Variants in PLN observed in about 807,000 individuals in gnomAD.
The protein encoded by PLN is cardiac phospholamban.
A neutral mutation model predicts 3.9 loss-of-function variants in PLN; 1 was observed. The observed-to-expected ratio is 0.26, with a 90% CI of 0.09 to 1.23. The LOEUF is 1.23. Among genes scored for constraint, PLN ranks in the 50% most tolerant of loss-of-function variants. The probability of loss-of-function intolerance (pLI) is 0.48; values close to 1 mark genes in which losing one functional copy is unlikely to be tolerated. For missense variants in PLN, 59 were observed against 62.7 expected, an observed-to-expected ratio of 0.94 and a Z score of 0.20; for synonymous variants, 21 against 20.5, an observed-to-expected ratio of 1.02 and a Z score of -0.07.
At chr6:118,554,150 T>C (rs566762751) in intron 1 of PLN, among the ~76,000 whole-genome samples, 10 of 151,982 alleles carry the variant, frequency 6.6e-5, no homozygotes, top group Admixed American at 2.0e-4. Context: ...TAGCCAGGCA[T>C]GGTGGCGCAC....
In PLN at chr6:118,558,956, T is replaced by C. The variant is rs771044756; in HGVS notation, c.35T>C (p.Ile12Thr). 4 of 1,613,586 alleles carry C rather than the reference T, an allele frequency of 2.5e-6. No homozygotes were observed. Among genetic ancestry groups the C allele is most frequent in the Middle Eastern group, 1.7e-4 (1 of 6,060 alleles). Residue 12 changes from isoleucine (I) to threonine (T), a missense_variant, in exon 2 of 2, where the codon ATA (isoleucine) becomes ACA (threonine). Transcript: ENST00000357525. ...EKVQYLTRSA[I>T]RRASTIEMPQ... ...GTCCAATACCTCACTCGCTCAGCTA[T>C]AAGAAGAGCCTCAACCATTGAAATG...
chr6:118,554,776 G>A (rs1778753616), intron 1 of PLN, among the ~76,000 whole-genome samples: 1 of 152,196 alleles, frequency 6.6e-6, no homozygotes, highest in Non-Finnish European at 1.5e-5. Flanking sequence ...AGAATCAACT[G>A]AAGCTTGCAT....
At chr6:118,556,729 C>T (rs1215338082) in intron 1 of PLN, among the ~76,000 whole-genome samples, 1 of 152,174 alleles carries the variant, frequency 6.6e-6, no homozygotes, top group Non-Finnish European at 1.5e-5. Context: ...CAAATGTTAA[C>T]AGTCACTATG....
intron 1 of PLN, 124 bp from the exon 2 acceptor site, chr6:118,558,701 T>C (rs554648147): frequency 2.3e-5 from 13 of 561,120 alleles, no homozygotes; most frequent in South Asian, 1.2e-4. Context: ...AGAGAGACTA[T>C]AGAAACATGA....
rs1361515947 is a variant in PLN at position 118,561,630 on chromosome 6, C to T, written c.*2550C>T. Among the ~76,000 whole-genome samples, 4 of 151,910 alleles carry T rather than the reference C, an allele frequency of 2.6e-5. No homozygotes were observed. Among genetic ancestry groups the T allele is most frequent in the Non-Finnish European group, 4.4e-5 (3 of 67,958 alleles). On this transcript the variant is annotated 3_prime_UTR_variant, in exon 2 of 2. Coordinates refer to ENST00000357525, the MANE Select transcript of PLN (RefSeq NM_002667.5). ...AACAATTTTAAAATGCTTAATGTTG[C>T]CTTTTATATTTTAATTGGTTAAGAA...
At chr6:118,558,626 TACACACACACACACACAC>T (rs371775061) in intron 1 of PLN, among the ~76,000 whole-genome samples, 181 bp from the exon 2 acceptor site, 34 of 111,666 alleles carry the variant, frequency 3.0e-4, no homozygotes, top group Admixed American at 2.7e-3. Context: ...CACGTGCACA[TACACACACACACACACAC>T]ACACACACAC....
At position 118,558,909 on chromosome 6, in the gene PLN, T is replaced by A; in HGVS notation, c.-13T>A. On this transcript the variant is annotated 5_prime_UTR_variant, in exon 2 of 2. Coordinates refer to ENST00000357525, the MANE Select transcript of PLN (RefSeq NM_002667.5). ...ACCACTTAAAACTTCAGACTTCCTG[T>A]CCTGCTGGTATCATGGAGAAAGTCC... 6.2e-7 allele frequency: 1 copy of A among 1,612,414 alleles called. No individual in the cohort carries two copies. Among genetic ancestry groups the A allele is most frequent in the East Asian group, 2.2e-5 (1 of 44,856 alleles).
chr6:118,558,626 TACACACACAC>T (rs371775061), intron 1 of PLN, among the ~76,000 whole-genome samples, 189 bp from the exon 2 acceptor site: 2,586 of 111,584 alleles, frequency 0.023, 82 homozygotes, highest in African/African-American at 0.077. Context: ...CACGTGCACA[TACACACACAC>T]ACACACACAC....
intron 1 of PLN, among the ~76,000 whole-genome samples, chr6:118,550,105 T>C (rs1778453932): frequency 6.6e-6 from 1 of 151,904 alleles, no homozygotes; most frequent in Non-Finnish European, 1.5e-5. Flanking sequence ...TTAAGAAGCA[T>C]TAAGTTTTAA....
At chr6:118,556,670 T>A (rs940836205) in intron 1 of PLN, among the ~76,000 whole-genome samples, 7 of 152,188 alleles carry the variant, frequency 4.6e-5, no homozygotes, top group Non-Finnish European at 7.3e-5. Flanking sequence ...AAATAAAATC[T>A]GACACCTGGG....
At chr6:118,553,274 T>A (rs1349622994) in intron 1 of PLN, among the ~76,000 whole-genome samples, 2 of 147,156 alleles carry the variant, frequency 1.4e-5, no homozygotes, top group Non-Finnish European at 3.0e-5. Flanking sequence ...AAGAGAATGA[T>A]AAACATCTGA....
intron 1 of PLN, among the ~76,000 whole-genome samples, chr6:118,552,791 C>T (rs1778627846): frequency 6.6e-6 from 1 of 151,926 alleles, no homozygotes; most frequent in African/African-American, 2.4e-5. Flanking sequence ...GTAGAGTAAT[C>T]ATGGATCCAC....
rs9489441 is a variant in PLN at position 118,560,658 on chromosome 6, G to C, written c.*1578G>C. The C allele has an allele frequency of 0.027, 4,449 of 166,904 alleles. 192 individuals are homozygous for C. Among genetic ancestry groups the C allele is most frequent in the African/African-American group, 0.091 (3,775 of 41,502 alleles). 10.3% of individuals were successfully genotyped at this position (166,904 alleles called of 1,614,324 possible). ...CAACCAAATGGTAAGCATCTATTTTGCAGTCCACTCTACTGAGCTAAATTA... is the reference window on the plus strand; with the variant it reads ...CAACCAAATGGTAAGCATCTATTTTCCAGTCCACTCTACTGAGCTAAATTA... On this transcript the variant is annotated 3_prime_UTR_variant, in exon 2 of 2. Coordinates refer to ENST00000357525, the MANE Select transcript of PLN (RefSeq NM_002667.5).
chr6:118,559,346 C>A lies in PLN; in HGVS notation c.*266C>A. ...AACTGTTGATTTCCTCAACATGGCT[C>A]ACAAATTTCTATCCCAAATCTTTTC... On this transcript the variant is annotated 3_prime_UTR_variant, in exon 2 of 2. Transcript: ENST00000357525. The A allele has an allele frequency of 2.3e-6, 1 of 433,946 alleles. No individual in the cohort carries two copies. Among genetic ancestry groups the A allele is most frequent in the Non-Finnish European group, 4.4e-6 (1 of 226,474 alleles). 26.9% of individuals were successfully genotyped at this position (433,946 alleles called of 1,614,324 possible).
At position 118,558,865 on chromosome 6, in the gene PLN, G is replaced by A; in HGVS notation, c.-57G>A. The A allele has an allele frequency of 1.4e-6, 2 of 1,406,914 alleles. No individual in the cohort carries two copies. The highest frequency in any genetic ancestry group is 2.0e-6 in the Non-Finnish European group (2 of 992,644). 87.2% of individuals were successfully genotyped at this position (1,406,914 alleles called of 1,614,324 possible). ...ACAGTTATCTCATATTTGGCTGCCAGCTTTTTATCTTTCTCTCGACCACTT... is the reference window on the plus strand; with the variant it reads ...ACAGTTATCTCATATTTGGCTGCCAACTTTTTATCTTTCTCTCGACCACTT... On this transcript the variant is annotated 5_prime_UTR_variant, in exon 2 of 2. Transcript: ENST00000357525.
In PLN at chr6:118,558,918, T is replaced by A. The variant is rs749900271; in HGVS notation, c.-4T>A. The A allele has an allele frequency of 6.2e-7, 1 of 1,613,140 alleles. No individual in the cohort carries two copies. On this transcript the variant is annotated 5_prime_UTR_variant, in exon 2 of 2. Transcript: ENST00000357525. Reference sequence around the variant, plus strand: ...AACTTCAGACTTCCTGTCCTGCTGGTATCATGGAGAAAGTCCAATACCTCA... The same window carrying A: ...AACTTCAGACTTCCTGTCCTGCTGGAATCATGGAGAAAGTCCAATACCTCA...
intron 1 of PLN, among the ~76,000 whole-genome samples, chr6:118,553,039 C>G (rs1280038009): frequency 6.6e-6 from 1 of 151,992 alleles, no homozygotes; most frequent in Non-Finnish European, 1.5e-5. Context: ...TGGAGAGCAG[C>G]TTCAGTTTCC....
At chr6:118,549,015 C>A (rs1397113081) in intron 1 of PLN, among the ~76,000 whole-genome samples, 2 of 151,818 alleles carry the variant, frequency 1.3e-5, no homozygotes, top group African/African-American at 2.4e-5. Context: ...TAAAAAAATT[C>A]CATGCTATTA....
At chr6:118,555,296 C>T (rs978739811) in intron 1 of PLN, among the ~76,000 whole-genome samples, 7 of 151,928 alleles carry the variant, frequency 4.6e-5, no homozygotes, top group South Asian at 4.2e-4. Context: ...GGCATGGTGG[C>T]GGGCACCTGT....
Sources: gnomAD v4.1 joint callset for allele counts (sites outside exome capture counted in the v4.1 genomes callset) on GRCh38, gnomAD v4.1.1 for gene constraint, MANE v1.5 for transcripts, NCBI Gene and HGNC (gene_info 2026-07-23, HGNC 2026-07-21) for gene names.